Variants in ARID4A observed in about 807,000 individuals in gnomAD.
ARID4A encodes the protein AT-rich interactive domain-containing protein 4A.
In ARID4A, 39 loss-of-function variants were observed where a neutral mutation model predicts 148.6. The ratio of observed to expected loss-of-function variants is 0.26; its 90% CI spans 0.20 to 0.34. ARID4A has a LOEUF of 0.34. Among genes scored for constraint, ARID4A ranks in the 10% least tolerant of loss-of-function variants. The pLI is 1.00. For missense variants in ARID4A, 1,265 were observed against 1,449.1 expected, an observed-to-expected ratio of 0.87 and a Z score of 2.06; for synonymous variants, 475 against 481.2, an observed-to-expected ratio of 0.99 and a Z score of 0.17.
intron 16 of ARID4A, 165 bp from the exon 17 acceptor site, chr14:58,353,493 G>A (rs1016302287): frequency 1.8e-5 from 11 of 607,350 alleles, no homozygotes; most frequent in Non-Finnish European, 3.1e-5. Context: ...TCCTTAGTAA[G>A]TAGGCCACAG....
intron 5 of ARID4A, among the ~76,000 whole-genome samples, chr14:58,308,894 A>T (rs192831679): frequency 6.6e-6 from 1 of 152,322 alleles, no homozygotes. Flanking sequence ...AAATAAAACA[A>T]GAGGATACCA....
At chr14:58,342,964 G>A (rs549109670) in intron 11 of ARID4A, among the ~76,000 whole-genome samples, 7 of 151,962 alleles carry the variant, frequency 4.6e-5, no homozygotes, top group African/African-American at 1.2e-4. Flanking sequence ...AGAATATTAC[G>A]ATTACAGGGC....
At chr14:58,326,320 C>T (rs2140182639) in intron 8 of ARID4A, among the ~76,000 whole-genome samples, 1 of 152,260 alleles carries the variant, frequency 6.6e-6, no homozygotes, top group African/African-American at 2.4e-5. Context: ...ACCTGTAGTC[C>T]CAGCTACTTG....
intron 4 of ARID4A, among the ~76,000 whole-genome samples, chr14:58,305,442 T>C (rs1294861805): frequency 6.6e-6 from 1 of 152,136 alleles, no homozygotes; most frequent in Non-Finnish European, 1.5e-5. Flanking sequence ...TTTCCATGCA[T>C]TTCTGGCCAT....
chr14:58,333,216 C>A (rs774662419), intron 11 of ARID4A, among the ~76,000 whole-genome samples: 20 of 151,982 alleles, frequency 1.3e-4, no homozygotes, highest in Admixed American at 1.1e-3. Context: ...TTGAAAAAAT[C>A]CCTGGGGGAT....
chr14:58,336,277 G>T (rs2033810266), intron 11 of ARID4A, among the ~76,000 whole-genome samples: 1 of 152,108 alleles, frequency 6.6e-6, no homozygotes, highest in African/African-American at 2.4e-5. Flanking sequence ...TGTCTGTAAA[G>T]ATTGTGAATT....
At chr14:58,328,381 A>T (rs1594904293) in intron 9 of ARID4A, 65 bp downstream of exon 9, 1 of 1,059,808 alleles carries the variant, frequency 9.4e-7, no homozygotes, top group Non-Finnish European at 1.4e-6. Context: ...ACAATGATAG[A>T]CACCTCCCCC....
rs1264969859 is a variant in ARID4A, at chr14:58,318,784, G to A, written c.428G>A (p.Gly143Glu). The change falls in exon 7 of 24, where the codon GGA becomes GAA. Residue 143 changes from glycine to glutamate, a missense_variant. Coordinates refer to ENST00000355431, the MANE Select transcript of ARID4A (RefSeq NM_002892.4). ...GTAATTGCAAAGAAGACGAACAGAG[G>A]AAGGAGATCTTCTCTTCCTGTGTGA... Reference protein sequence around the residue: ...TPVIAKKTNRGRRSSLPVTED... With the variant: ...TPVIAKKTNRERRSSLPVTED... The A allele has an allele frequency of 6.2e-7, 1 of 1,613,324 alleles. No individual in the cohort carries two copies. Among genetic ancestry groups the A allele is most frequent in the Non-Finnish European group, 8.5e-7 (1 of 1,179,466 alleles).
intron 5 of ARID4A, among the ~76,000 whole-genome samples, chr14:58,307,457 G>A (rs2031694092): frequency 1.3e-5 from 2 of 152,214 alleles, no homozygotes; most frequent in African/African-American, 2.4e-5. Context: ...TTGGTTCACA[G>A]TGGTGCTATT....
At chr14:58,324,498 C>T (rs944609462) in intron 8 of ARID4A, among the ~76,000 whole-genome samples, 2 of 152,046 alleles carry the variant, frequency 1.3e-5, no homozygotes, top group African/African-American at 2.4e-5. Flanking sequence ...CCAGGCCAGT[C>T]TCAAACTCCT....
chr14:58,323,708 A>C, intron 8 of ARID4A, 91 bp downstream of exon 8: 1 of 1,227,780 alleles, frequency 8.1e-7, no homozygotes, highest in South Asian at 1.4e-5. Context: ...TTTTGAAAGT[A>C]TTAAACAAAT....
intron 4 of ARID4A, among the ~76,000 whole-genome samples, chr14:58,305,455 G>A (rs1192437255): frequency 6.6e-6 from 1 of 151,960 alleles, no homozygotes; most frequent in Admixed American, 6.6e-5. Context: ...CTGGCCATTT[G>A]TTTATGTAAT....
chr14:58,372,334 C>T lies in ARID4A; in HGVS notation c.*345C>T. ...CAGAAATCGTAGACAAGCAAGTGCACATGATAAACATCAAAATATTACCCA... is the reference window on the plus strand; with the variant it reads ...CAGAAATCGTAGACAAGCAAGTGCATATGATAAACATCAAAATATTACCCA... On this transcript the variant is annotated 3_prime_UTR_variant, in exon 24 of 24. Transcript: ENST00000355431. 3 of 268,380 alleles carry T rather than the reference C, an allele frequency of 1.1e-5. No individual in the cohort carries two copies. Among genetic ancestry groups the T allele is most frequent in the Non-Finnish European group, 2.1e-5 (3 of 141,724 alleles). 16.6% of individuals were successfully genotyped at this position (268,380 alleles called of 1,614,324 possible).
Position 58,332,687 on chromosome 14 carries a change from T to G in ARID4A, c.906+2518T>G, listed in dbSNP as rs915423210. 3.5e-4 allele frequency among the ~76,000 whole-genome samples: 53 copies of G among 152,270 alleles called. 1 individual carries two copies. The highest frequency in any genetic ancestry group is 1.6e-4 in the Non-Finnish European group (11 of 67,982). On this transcript the variant is annotated intron_variant, in intron 11 of 23. Transcript: ENST00000355431. Reference sequence around the variant, plus strand: ...CTGATAAGCCATGGCCTACCTGGCTTAGTCATTATGGGCCTTTATCACCAT... The same window carrying G: ...CTGATAAGCCATGGCCTACCTGGCTGAGTCATTATGGGCCTTTATCACCAT...
chr14:58,371,280 G>A (rs1376524931), intron 23 of ARID4A, among the ~76,000 whole-genome samples: 1 of 152,038 alleles, frequency 6.6e-6, no homozygotes, highest in Non-Finnish European at 1.5e-5. Flanking sequence ...GCAAAGAAAG[G>A]CAGAAGACAA....
Position 58,372,255 on chromosome 14 carries a change from G to A in ARID4A, c.*266G>A, listed in dbSNP as rs2035645827. ...TTTGTTTTTCGTTTGTTGTGATATAGAACAAAGGGCACTTAGCAAATTTGA... is the reference window on the plus strand; with the variant it reads ...TTTGTTTTTCGTTTGTTGTGATATAAAACAAAGGGCACTTAGCAAATTTGA... On this transcript the variant is annotated 3_prime_UTR_variant, in exon 24 of 24. Transcript: ENST00000355431. The A allele has an allele frequency of 5.6e-6, 2 of 354,936 alleles. No homozygotes were observed. Among genetic ancestry groups the A allele is most frequent in the African/African-American group, 4.2e-5 (2 of 48,050 alleles). The allele number at this position is 354,936 out of a possible 1,614,324, so 22.0% of individuals were successfully genotyped here. A position where few individuals can be genotyped will look rare whatever the true frequency, so the allele number is the denominator to read the frequency against.
In ARID4A at chr14:58,347,864, T is replaced by C; in HGVS notation, c.1390T>C (p.Leu464=). The change falls in exon 15 of 24, where the codon TTA becomes CTA. Residue 464 remains leucine (L), a synonymous_variant. Coordinates refer to ENST00000355431, the MANE Select transcript of ARID4A (RefSeq NM_002892.4). ...NSESEREEIE[L]KSPRGRRRIA... is the part of the protein sequence containing the mutation. ...TGAAAGTGAAAGAGAAGAGATAGAATTAAAATCTCCGAGGGTGAGTTCTTA... is the reference window on the plus strand; with the variant it reads ...TGAAAGTGAAAGAGAAGAGATAGAACTAAAATCTCCGAGGGTGAGTTCTTA... The C allele has an allele frequency of 6.2e-7, 1 of 1,610,524 alleles. No homozygotes were observed. Among genetic ancestry groups the C allele is most frequent in the Non-Finnish European group, 8.5e-7 (1 of 1,178,326 alleles).
chr14:58,310,715 A>ATT (rs201340682), intron 5 of ARID4A, among the ~76,000 whole-genome samples: 2 of 140,868 alleles, frequency 1.4e-5, no homozygotes, highest in Admixed American at 7.2e-5. Context: ...CCGGGCATTG[A>ATT]TTTTTTTTTT....
chr14:58,306,047 C>T lies in ARID4A; in HGVS notation c.209C>T (p.Thr70Ile). The change falls in exon 5 of 24, where the codon ACA becomes ATA. Residue 70 changes from threonine (T) to isoleucine (I), a missense_variant. This residue lies in a region of ARID4A where 59 missense variants were observed against 49.8 expected (regional missense o/e 1.18). Transcript: ENST00000355431. ...LRVGAIVETR[T>I]SDGSFQEAII... The stretch of plus-strand genomic sequence containing the variant: ...GTTGGAGCTATTGTTGAAACAAGGA[C>T]ATCTGATGGATCTTTTCAGGAAGCT... The T allele has an allele frequency of 6.2e-7, 1 of 1,613,648 alleles. No homozygotes were observed. Among genetic ancestry groups the T allele is most frequent in the Non-Finnish European group, 8.5e-7 (1 of 1,179,724 alleles).
Sources: gnomAD v4.1 joint callset for allele counts (sites outside exome capture counted in the v4.1 genomes callset) on GRCh38, gnomAD v4.1.1 for gene constraint, gnomAD v4.1.1 regional missense constraint, MANE v1.5 for transcripts, NCBI Gene and HGNC (gene_info 2026-07-23, HGNC 2026-07-21) for gene names.